Variants in CRACR2A observed in about 807,000 individuals in gnomAD.
The protein encoded by CRACR2A is calcium release activated channel regulator 2A.
In CRACR2A, 79 loss-of-function variants were observed where a neutral mutation model predicts 90.5. The ratio of observed to expected loss-of-function variants is 0.87; its 90% CI spans 0.73 to 1.05. CRACR2A has a LOEUF of 1.05. Ranked by LOEUF, CRACR2A falls within the 50% of genes least tolerant of loss-of-function variation. The pLI, the probability that CRACR2A is intolerant of heterozygous loss-of-function variation, is 0.00. For missense variants in CRACR2A, 823 were observed against 897.2 expected, an observed-to-expected ratio of 0.92 and a Z score of 1.06; for synonymous variants, 338 against 356.7, an observed-to-expected ratio of 0.95 and a Z score of 0.59.
chr12:3,648,189 G>C, intron 11 of CRACR2A: 1 of 1,116,696 alleles, frequency 9.0e-7, no homozygotes, highest in Non-Finnish European at 1.1e-6. Flanking sequence ...TAACAGTTTT[G>C]CTGACAATGA....
At chr12:3,695,270 G>A (rs989919516) in intron 4 of CRACR2A, among the ~76,000 whole-genome samples, 1 of 152,202 alleles carries the variant, frequency 6.6e-6, no homozygotes, top group African/African-American at 2.4e-5. Context: ...TGCCAATTAT[G>A]AAGTTCACAG....
intron 3 of CRACR2A, among the ~76,000 whole-genome samples, chr12:3,702,086 A>G (rs1350663982): frequency 6.6e-6 from 1 of 152,218 alleles, no homozygotes; most frequent in African/African-American, 2.4e-5. Flanking sequence ...CAATAGATAC[A>G]GAAAACGCAT....
chr12:3,619,949 G>A (rs745894386), intron 17 of CRACR2A, among the ~76,000 whole-genome samples: 1 of 152,242 alleles, frequency 6.6e-6, no homozygotes, highest in Non-Finnish European at 1.5e-5. Flanking sequence ...CATGTGCCTT[G>A]CTGGAGGCTG....
intron 19 of CRACR2A, among the ~76,000 whole-genome samples, chr12:3,616,202 G>A (rs1867678573): frequency 6.6e-6 from 1 of 152,230 alleles, no homozygotes; most frequent in Non-Finnish European, 1.5e-5. Context: ...CCTCGCCAAT[G>A]CATAGAGGAG....
In CRACR2A at chr12:3,673,590, T is replaced by C. The variant is rs928597030; in HGVS notation, c.527A>G (p.Glu176Gly). Residue 176 changes from glutamate (E) to glycine (G), a missense_variant and splice_region_variant, in exon 7 of 20, where the codon GAA becomes GGA. Coordinates refer to ENST00000440314, the MANE Select transcript of CRACR2A (RefSeq NM_001144958.2). The part of the protein sequence containing the change: ...RLGAQKVLED[E>G]SDVKQLWLQL... ...CAACCAGAGCTGCTTGACATCACTT[T>C]CACTGCAAGAGAAGGGACGCTCATG... is the stretch of plus-strand genomic sequence containing the variant. The C allele has an allele frequency of 6.2e-7, 1 of 1,612,774 alleles. No homozygotes were observed. Among genetic ancestry groups the C allele is most frequent in the African/African-American group, 1.3e-5 (1 of 74,872 alleles).
intron 4 of CRACR2A, among the ~76,000 whole-genome samples, chr12:3,695,406 G>C (rs1042232205): frequency 6.6e-6 from 1 of 152,194 alleles, no homozygotes; most frequent in Admixed American, 6.5e-5. Flanking sequence ...AAGAAGGGTA[G>C]GTTGGGCTCA....
At chr12:3,634,471 G>A (rs555493321) in intron 14 of CRACR2A, among the ~76,000 whole-genome samples, 10 of 152,248 alleles carry the variant, frequency 6.6e-5, no homozygotes, top group East Asian at 3.9e-4. Context: ...AGAGGGAAAC[G>A]GCTGGGACAG....
chr12:3,633,876 C>A lies in CRACR2A; in HGVS notation c.1603-140G>T. 1 of 1,159,686 alleles carries A rather than the reference C, an allele frequency of 8.6e-7. No individual in the cohort carries two copies. Among genetic ancestry groups the A allele is most frequent in the Non-Finnish European group, 1.2e-6 (1 of 831,690 alleles). 71.8% of individuals were successfully genotyped at this position (1,159,686 alleles called of 1,614,324 possible). A position where few individuals can be genotyped will look rare whatever the true frequency, so the allele number is the denominator to read the frequency against. ...CCTCTAGACCTGCACCAGGAGGCTG[C>A]CACAGCCTCAGAATGCAGTGAGCAT... On this transcript the variant is annotated intron_variant, in intron 14 of 19. Coordinates refer to ENST00000440314, the MANE Select transcript of CRACR2A (RefSeq NM_001144958.2). This position sits in a 1 kb window ranked among gnomAD's most constrained non-coding sequence, Gnocchi z 4.5.
At chr12:3,653,036 G>A (rs1251637818) in intron 10 of CRACR2A, among the ~76,000 whole-genome samples, 2 of 152,020 alleles carry the variant, frequency 1.3e-5, no homozygotes, top group Non-Finnish European at 2.9e-5. Context: ...AAGCTGGAGT[G>A]CAGTGGCACG....
intron 4 of CRACR2A, among the ~76,000 whole-genome samples, chr12:3,693,956 G>C (rs535350390): frequency 3.6e-4 from 55 of 152,256 alleles, no homozygotes; most frequent in African/African-American, 1.3e-3. Context: ...TGGTTGAGGG[G>C]TCTCCTCCTG....
rs1944859105 is a variant in CRACR2A at position 3,654,341 on chromosome 12, G to A, written c.917C>T (p.Thr306Ile). 6.2e-7 allele frequency: 1 copy of A among 1,613,818 alleles called. No individual in the cohort carries two copies. The highest frequency in any genetic ancestry group is 8.5e-7 in the Non-Finnish European group (1 of 1,179,942). The part of the protein sequence containing the change: ...HDKHETKAEN[T>I]KLKLTNQELA... Reference sequence around the variant, plus strand: ...CTCCTGGTTAGTGAGTTTCAGCTTGGTATTCTCAGCCTTGGTCTCATGCTT... The same window carrying A: ...CTCCTGGTTAGTGAGTTTCAGCTTGATATTCTCAGCCTTGGTCTCATGCTT... The change falls in exon 10 of 20, where the codon ACC (threonine) becomes ATC (isoleucine). Residue 306 changes from threonine (T) to isoleucine (I), a missense_variant. Coordinates refer to ENST00000440314, the MANE Select transcript of CRACR2A (RefSeq NM_001144958.2).
chr12:3,743,639 T>TA (rs1322057000), intron 1 of CRACR2A, among the ~76,000 whole-genome samples: 6 of 152,134 alleles, frequency 3.9e-5, no homozygotes, highest in African/African-American at 1.4e-4. Flanking sequence ...TCCTCAACTG[T>TA]AAAAAGGACA....
intron 2 of CRACR2A, among the ~76,000 whole-genome samples, chr12:3,715,056 C>T (rs544582466): frequency 2.3e-4 from 35 of 152,320 alleles, no homozygotes; most frequent in African/African-American, 4.6e-4. Context: ...CCAAACCTTG[C>T]CATCTCCTAG....
At chr12:3,697,796 C>T (rs1011920208) in intron 3 of CRACR2A, among the ~76,000 whole-genome samples, 1 of 152,224 alleles carries the variant, frequency 6.6e-6, no homozygotes, top group Non-Finnish European at 1.5e-5. Flanking sequence ...TTGTAGAGGA[C>T]TTGCCAGGCC....
At chr12:3,649,265 T>TAAATAAAA (rs1304715673) in intron 10 of CRACR2A, among the ~76,000 whole-genome samples, 11 of 151,352 alleles carry the variant, frequency 7.3e-5, no homozygotes, top group South Asian at 4.2e-4. Context: ...AATAAATAAA[T>TAAATAAAA]AAAAAAGAGT....
chr12:3,663,844 T>C (rs1945082056), intron 7 of CRACR2A, among the ~76,000 whole-genome samples: 1 of 152,214 alleles, frequency 6.6e-6, no homozygotes, highest in Non-Finnish European at 1.5e-5. Context: ...TCTCTAAATT[T>C]TATGTCTGTG....
chr12:3,744,978 C>T (rs1484617123), intron 1 of CRACR2A, among the ~76,000 whole-genome samples: 1 of 152,072 alleles, frequency 6.6e-6, no homozygotes, highest in Admixed American at 6.5e-5. Context: ...CAGTGAAGAT[C>T]CAAAAACAAA....
intron 2 of CRACR2A, among the ~76,000 whole-genome samples, chr12:3,719,483 G>A (rs753210640): frequency 8.5e-5 from 13 of 152,106 alleles, no homozygotes; most frequent in Admixed American, 6.5e-4. Context: ...CTCCTTTCAT[G>A]CTCCAAAAGA....
intron 17 of CRACR2A, among the ~76,000 whole-genome samples, chr12:3,627,131 A>G (rs1163753357): frequency 1.3e-5 from 2 of 152,034 alleles, no homozygotes; most frequent in African/African-American, 4.8e-5. Context: ...CCCTCCCCCA[A>G]TCCAGTCCCA....
Sources: allele counts gnomAD v4.1 joint callset (sites outside exome capture counted in the v4.1 genomes callset), GRCh38; gene constraint gnomAD v4.1.1; non-coding constraint Gnocchi (gnomAD v3.1); transcripts MANE v1.5; gene names NCBI Gene and HGNC (gene_info 2026-07-23, HGNC 2026-07-21).